The following CYP2J2 variants were observed in gnomAD, a reference collection of about 807,000 sequenced individuals.
CYP2J2 encodes cytochrome P450 2J2.
CYP2J2 carries 41 observed loss-of-function variants against 48.8 expected under a neutral mutation model. That is an observed-to-expected ratio of 0.84 (90% CI 0.66 to 1.09). The LOEUF (loss-of-function observed/expected upper bound fraction) is 1.09, where lower values mean the gene tolerates loss of function less well. CYP2J2 is among the 50% of genes least tolerant of loss of function. The pLI, the probability that CYP2J2 is intolerant of heterozygous loss-of-function variation, is 0.00. For missense variants in CYP2J2, 644 were observed against 617.3 expected (o/e 1.04, Z -0.46); for synonymous variants, 221 against 227.1 (o/e 0.97, Z 0.24).
the CYP2J2 span, among the ~76,000 whole-genome samples, chr1:59,943,302 G>A: frequency 6.6e-6 from 1 of 152,138 alleles, no homozygotes; most frequent in Admixed American, 6.5e-5. Context: ...GCCAGCAAGA[G>A]CCCTGAAATA....
rs1285336069 is a variant in CYP2J2 at position 59,907,833 on chromosome 1, G to C, written c.956C>G (p.Thr319Ser). The C allele has an allele frequency of 6.2e-7, 1 of 1,614,008 alleles. No homozygotes were observed. The highest frequency in any genetic ancestry group is 1.7e-5 in the Admixed American group (1 of 60,000). The change falls in exon 6 of 9, where the codon ACT becomes AGT. Residue 319 changes from threonine to serine, a missense_variant. By Grantham distance (58) the Thr-to-Ser change is moderately conservative. Coordinates refer to ENST00000371204, the MANE Select transcript of CYP2J2 (RefSeq NM_000775.4). Reference protein sequence around the residue: ...FFAGTETTSTTLRWALLYMAL... With the variant: ...FFAGTETTSTSLRWALLYMAL... The stretch of plus-strand genomic sequence containing the variant: ...CATATAAAGCAGAGCCCATCGCAGA[G>C]TTGTGGAAGTTGTCTCGGTTCCGGC...
rs574361102 is a variant in CYP2J2, at chr1:59,905,844, T to C, written c.1004-786A>G. Reference sequence around the variant, plus strand: ...CCAAAGAGAGAAACTGTAGCAGCCTTATCTCTTTTCTCTTTCTCTAGAGTA... The same window carrying C: ...CCAAAGAGAGAAACTGTAGCAGCCTCATCTCTTTTCTCTTTCTCTAGAGTA... On this transcript the variant is annotated intron_variant, in intron 6 of 8. Transcript: ENST00000371204. Among the ~76,000 whole-genome samples, 36 of 152,324 alleles carry C rather than the reference T, an allele frequency of 2.4e-4. No individual in the cohort carries two copies. In the South Asian group the frequency reaches 7.0e-3, roughly 30 times the overall value.
chr1:59,918,778 A>T (rs923663200), intron 1 of CYP2J2, among the ~76,000 whole-genome samples: 1 of 152,180 alleles, frequency 6.6e-6, no homozygotes, highest in African/African-American at 2.4e-5. Context: ...AAAAGAAAAG[A>T]ACTGAAACAG....
intron 6 of CYP2J2, among the ~76,000 whole-genome samples, chr1:59,905,284 G>A (rs1644355925): frequency 6.6e-6 from 1 of 152,112 alleles, no homozygotes; most frequent in African/African-American, 2.4e-5. Context: ...GATTAATATG[G>A]CTAAACTTCA....
the CYP2J2 span, among the ~76,000 whole-genome samples, chr1:59,935,024 A>G: frequency 6.2e-5 from 5 of 80,392 alleles, no homozygotes; most frequent in African/African-American, 2.2e-4. Flanking sequence ...ACATATATAT[A>G]TATATATATA....
the CYP2J2 span, among the ~76,000 whole-genome samples, chr1:59,964,513 G>GA: frequency 6.6e-6 from 1 of 152,164 alleles, no homozygotes. Flanking sequence ...AGAGAGACTG[G>GA]AAAATTGAGT....
At position 59,893,345 on chromosome 1, in the gene CYP2J2, AAACC is replaced by A; in HGVS notation, c.*302_*305del. ...TTTTATGATGTGTTTTATGGTTTAC[AAACC>A]ACTTAAAGCTCACCATTTCTTTTGA... On this transcript the variant is annotated 3_prime_UTR_variant, in exon 9 of 9. Coordinates refer to ENST00000371204, the MANE Select transcript of CYP2J2 (RefSeq NM_000775.4). The A allele has an allele frequency of 7.6e-6, 2 of 261,644 alleles. No individual in the cohort carries two copies. Among genetic ancestry groups the A allele is most frequent in the Non-Finnish European group, 1.4e-5 (2 of 140,140 alleles). 16.2% of individuals were successfully genotyped at this position (261,644 alleles called of 1,614,324 possible).
intron 2 of CYP2J2, 49 bp downstream of exon 2, chr1:59,915,889 T>C: frequency 6.3e-7 from 1 of 1,575,620 alleles, no homozygotes; most frequent in Non-Finnish European, 8.6e-7. Context: ...TAACAGATTA[T>C]AGGACTATCA....
At chr1:59,968,058 C>G in the CYP2J2 span, among the ~76,000 whole-genome samples, 2 of 152,102 alleles carry the variant, frequency 1.3e-5, no homozygotes, top group African/African-American at 2.4e-5. Context: ...GAAAGTGACG[C>G]AGGTAATTGT....
At chr1:59,968,186 C>T in the CYP2J2 span, among the ~76,000 whole-genome samples, 4 of 152,294 alleles carry the variant, frequency 2.6e-5, 1 homozygote, top group Admixed American at 2.6e-4. Context: ...CTGACTCTTT[C>T]CTTTCCCAGA....
At chr1:59,953,023 G>A in the CYP2J2 span, among the ~76,000 whole-genome samples, 636 of 152,298 alleles carry the variant, frequency 4.2e-3, 7 homozygotes, top group African/African-American at 0.014. Flanking sequence ...AAATAAGTAA[G>A]ACCATAGAGT....
At position 59,911,514 on chromosome 1, in the gene CYP2J2, CA is replaced by C. The variant is rs1302017127; in HGVS notation, c.684+93del. On this transcript the variant is annotated intron_variant, in intron 4 of 8. Transcript: ENST00000371204. ...GTTTTGAAAGGTTATATTTTAACTT[CA>C]AAAACCCAAAAAAAACTAAAAGGAA... 9 of 950,522 alleles carry C rather than the reference CA, an allele frequency of 9.5e-6. No individual in the cohort carries two copies. In the African/African-American group the frequency reaches 1.2e-4, roughly 12 times the overall value. 58.9% of individuals were successfully genotyped at this position (950,522 alleles called of 1,614,324 possible).
chr1:59,944,859 T>C, the CYP2J2 span, among the ~76,000 whole-genome samples: 2 of 152,208 alleles, frequency 1.3e-5, no homozygotes, highest in African/African-American at 4.8e-5. Context: ...CATTTGCATT[T>C]ATTTTTTTTC....
At chr1:59,896,797 C>G (rs1644273818) in intron 8 of CYP2J2, among the ~76,000 whole-genome samples, 1 of 152,186 alleles carries the variant, frequency 6.6e-6, no homozygotes, top group South Asian at 2.1e-4. Context: ...GTTATAAAGA[C>G]AAAACCATAA....
the CYP2J2 span, among the ~76,000 whole-genome samples, chr1:59,960,576 C>T: frequency 6.6e-6 from 1 of 152,160 alleles, no homozygotes; most frequent in Non-Finnish European, 1.5e-5. Context: ...AATACTCAGC[C>T]AAACTATCAA....
In CYP2J2 at chr1:59,926,406, C is replaced by T. The variant is rs1644564426; in HGVS notation, c.210+131G>A. 6 of 724,824 alleles carry T rather than the reference C, an allele frequency of 8.3e-6. No homozygotes were observed. In the South Asian group the frequency reaches 8.6e-5, roughly 10 times the overall value. The allele number at this position is 724,824 out of a possible 1,614,324, so 44.9% of individuals were successfully genotyped here. The stretch of plus-strand genomic sequence containing the variant: ...GAAATGAAACTCAAAGTGGGTTTTA[C>T]CAGGTTACCAGCGTTAGCCACACCT... On this transcript the variant is annotated intron_variant, in intron 1 of 8. Coordinates refer to ENST00000371204, the MANE Select transcript of CYP2J2 (RefSeq NM_000775.4).
At chr1:59,951,746 A>G in the CYP2J2 span, among the ~76,000 whole-genome samples, 56 of 152,276 alleles carry the variant, frequency 3.7e-4, no homozygotes, top group African/African-American at 1.2e-3. Context: ...ATTAGTCACC[A>G]AGGACCCTCC....
chr1:59,968,713 C>T, the CYP2J2 span, among the ~76,000 whole-genome samples: 1 of 152,210 alleles, frequency 6.6e-6, no homozygotes, highest in African/African-American at 2.4e-5. Context: ...GGGGACCAAC[C>T]AGCACATGCA....
chr1:59,959,574 A>ATATG, the CYP2J2 span, among the ~76,000 whole-genome samples: 6 of 152,214 alleles, frequency 3.9e-5, no homozygotes, highest in African/African-American at 9.6e-5. Flanking sequence ...GTATGTGTAT[A>ATATG]TATGTATGTA....
Sources: gnomAD v4.1 joint callset for allele counts (sites outside exome capture counted in the v4.1 genomes callset) on GRCh38, gnomAD v4.1.1 for gene constraint, MANE v1.5 for transcripts, NCBI Gene and HGNC (gene_info 2026-07-23, HGNC 2026-07-21) for gene names.